SCRT2: variants seen among roughly 807,000 people sequenced by gnomAD.
SCRT2 encodes the protein scratch family transcriptional repressor 2, also known as transcriptional repressor scratch 2.
Under a neutral mutation model 3.7 loss-of-function variants are expected in SCRT2, and 2 were observed. That is an observed-to-expected ratio of 0.54 (90% CI 0.22 to 1.70). The LOEUF is 1.70. Among genes scored for constraint, SCRT2 ranks in the 40% most tolerant of loss-of-function variants. The probability of loss-of-function intolerance (pLI) is 0.19; values close to 1 mark genes in which losing one functional copy is unlikely to be tolerated. For synonymous variants in SCRT2, 256 were observed against 220.6 expected (o/e 1.16, Z -1.42); for missense variants, 456 against 468.5 (o/e 0.97, Z 0.25).
chr20:675,412 GC>G lies in SCRT2; in HGVS notation c.133+56del. On this transcript the variant is annotated intron_variant, in intron 1 of 1. Coordinates refer to ENST00000246104, the MANE Select transcript of SCRT2 (RefSeq NM_033129.4). The surrounding 1 kb of genome is among the most constrained non-coding windows in gnomAD (Gnocchi z 6.9). ...CTCCTCGTGGCCCAAGCTGGGGAGG[GC>G]CCCAGCTCCCCTCGCCTCTTCTCCC... The G allele has an allele frequency of 1.6e-6, 2 of 1,243,164 alleles. No individual in the cohort carries two copies. The highest frequency in any genetic ancestry group is 2.0e-6 in the Non-Finnish European group (2 of 975,918). 77.0% of individuals were successfully genotyped at this position (1,243,164 alleles called of 1,614,324 possible).
chr20:673,133 G>C (rs1749809188), intron 1 of SCRT2, among the ~76,000 whole-genome samples: 2 of 152,220 alleles, frequency 1.3e-5, no homozygotes, highest in Admixed American at 6.5e-5. Flanking sequence ...GGCCAGGCCA[G>C]GGTGCCTGTC....
intron 1 of SCRT2, among the ~76,000 whole-genome samples, chr20:668,919 A>G (rs1476570389): frequency 6.6e-6 from 1 of 152,174 alleles, no homozygotes; most frequent in Non-Finnish European, 1.5e-5. Context: ...CCTCCCTGTG[A>G]GCCAGACATT....
chr20:675,775 C>CG lies in SCRT2; in HGVS notation c.-175dup. 7.8e-6 allele frequency: 2 copies of CG among 257,476 alleles called. No individual in the cohort carries two copies. The highest frequency in any genetic ancestry group is 1.4e-5 in the Non-Finnish European group (2 of 144,698). The allele number at this position is 257,476 out of a possible 1,614,324, so 15.9% of individuals were successfully genotyped here. ...TCGGGCTCGGGCTTGGCGGCGGCGG[C>CG]GCGCAGACAGGGGATCGCGGGAGCT... On this transcript the variant is annotated 5_prime_UTR_variant, in exon 1 of 2. Coordinates refer to ENST00000246104, the MANE Select transcript of SCRT2 (RefSeq NM_033129.4). This position sits in a 1 kb window ranked among gnomAD's most constrained non-coding sequence, Gnocchi z 6.9.
intron 1 of SCRT2, among the ~76,000 whole-genome samples, chr20:670,210 G>A (rs922536698): frequency 5.3e-5 from 8 of 152,198 alleles, no homozygotes; most frequent in African/African-American, 7.2e-5. Flanking sequence ...GCCTGGGTTC[G>A]TAGAGTTGCC....
rs1467948907 is a variant in SCRT2, at chr20:666,021, G to A, written c.134-1560C>T. On this transcript the variant is annotated intron_variant, in intron 1 of 1. Transcript: ENST00000246104. This position sits in a 1 kb window ranked among gnomAD's most constrained non-coding sequence, Gnocchi z 4.4. ...TGCCTCTCATCTGGAGTTTGGGATGGACACAGGGTGAAGTCTGTGTGCCCC... is the reference window on the plus strand; with the variant it reads ...TGCCTCTCATCTGGAGTTTGGGATGAACACAGGGTGAAGTCTGTGTGCCCC... Among the ~76,000 whole-genome samples, 1 of 152,202 alleles carries A rather than the reference G, an allele frequency of 6.6e-6. No individual in the cohort carries two copies. The highest frequency in any genetic ancestry group is 1.5e-5 in the Non-Finnish European group (1 of 68,036).
chr20:663,882 T>A lies in SCRT2; in HGVS notation c.713A>T (p.Lys238Met), dbSNP rs1438591785. The A allele has an allele frequency of 6.2e-7, 1 of 1,602,540 alleles. No homozygotes were observed. The highest frequency in any genetic ancestry group is 8.5e-7 in the Non-Finnish European group (1 of 1,176,862). The change falls in exon 2 of 2, where the codon AAG becomes ATG. Residue 238 changes from lysine (K) to methionine (M), a missense_variant. By Grantham distance (95) the Lys-to-Met change is moderately conservative. This residue lies in a region of SCRT2 where 144 missense variants were observed against 141.9 expected (regional missense o/e 1.01). Transcript: ENST00000246104. The surrounding 1 kb of genome is among the most constrained non-coding windows in gnomAD (Gnocchi z 6.9). ...GCCGCAGTGCGCGCAGCCGAACGGCTTTTCGCCGGTGTGCGAGCGCATGTG... is the reference window on the plus strand; with the variant it reads ...GCCGCAGTGCGCGCAGCCGAACGGCATTTCGCCGGTGTGCGAGCGCATGTG... ...QGHMRSHTGE[K>M]PFGCAHCGKA...
chr20:663,527 A>G lies in SCRT2; in HGVS notation c.*144T>C. On this transcript the variant is annotated 3_prime_UTR_variant, in exon 2 of 2. Coordinates refer to ENST00000246104, the MANE Select transcript of SCRT2 (RefSeq NM_033129.4). The surrounding 1 kb of genome is among the most constrained non-coding windows in gnomAD (Gnocchi z 6.9). ...CGTGGGTTTGGGGGTTGGGGAGAAA[A>G]GTTCCGGGCCGGGCCGGGGGTCCCC... The G allele has an allele frequency of 1.4e-6, 1 of 717,754 alleles. No homozygotes were observed. The highest frequency in any genetic ancestry group is 1.9e-6 in the Non-Finnish European group (1 of 514,060). The allele number at this position is 717,754 out of a possible 1,614,324, so 44.5% of individuals were successfully genotyped here. A position where few individuals can be genotyped will look rare whatever the true frequency, so the allele number is the denominator to read the frequency against.
chr20:671,850 G>A (rs1206447921), intron 1 of SCRT2, among the ~76,000 whole-genome samples: 1 of 152,228 alleles, frequency 6.6e-6, no homozygotes. Flanking sequence ...GGGATGCAGA[G>A]GAAGGGGGGC....
Position 663,706 on chromosome 20 carries a change from G to C in SCRT2, c.889C>G (p.Pro297Ala). The C allele has an allele frequency of 4.6e-6, 7 of 1,520,994 alleles. No individual in the cohort carries two copies. The highest frequency in any genetic ancestry group is 6.2e-6 in the Non-Finnish European group (7 of 1,137,010). The allele number at this position is 1,520,994 out of a possible 1,614,324, so 94.2% of individuals were successfully genotyped here. Residue 297 changes from proline (P) to alanine (A), a missense_variant, in exon 2 of 2, where the codon CCA becomes GCA. Coordinates refer to ENST00000246104, the MANE Select transcript of SCRT2 (RefSeq NM_033129.4). The surrounding 1 kb of genome is among the most constrained non-coding windows in gnomAD (Gnocchi z 6.9). ...GGGCCGGCGGGGGTCGGCGGGGGTG[G>C]CTCGGCCGCCTTGGCGCAGGCCGCC... ...CEAACAKAAE[P>A]PPPTPAGPAS
At chr20:673,526 G>C (rs1984411973) in intron 1 of SCRT2, among the ~76,000 whole-genome samples, 1 of 152,246 alleles carries the variant, frequency 6.6e-6, no homozygotes, top group Non-Finnish European at 1.5e-5. Flanking sequence ...ATTCCTGAGA[G>C]GTGAGGGAGT....
In SCRT2 at chr20:663,123, G is replaced by C. The variant is rs1984013939; in HGVS notation, c.*548C>G. The C allele has an allele frequency of 6.5e-6, 1 of 153,528 alleles. No individual in the cohort carries two copies. Among genetic ancestry groups the C allele is most frequent in the Middle Eastern group, 3.1e-3 (1 of 320 alleles). The allele number at this position is 153,528 out of a possible 1,614,324, so 9.5% of individuals were successfully genotyped here. Reference sequence around the variant, plus strand: ...AGATCCCCAGATGGACACACTCTGGGAGATTCAGCAGAGGCCAGAGGGATG... The same window carrying C: ...AGATCCCCAGATGGACACACTCTGGCAGATTCAGCAGAGGCCAGAGGGATG... On this transcript the variant is annotated 3_prime_UTR_variant, in exon 2 of 2. Coordinates refer to ENST00000246104, the MANE Select transcript of SCRT2 (RefSeq NM_033129.4). This position sits in a 1 kb window ranked among gnomAD's most constrained non-coding sequence, Gnocchi z 6.9.
rs777496826 is a variant in SCRT2 at position 664,007 on chromosome 20, C to T, written c.588G>A (p.Val196=). 2.5e-6 allele frequency: 4 copies of T among 1,611,798 alleles called. No individual in the cohort carries two copies. In the African/African-American group the frequency reaches 5.3e-5, roughly 22 times the overall value. Residue 196 remains valine (V), a synonymous_variant, in exon 2 of 2, where the codon GTG becomes GTA. Transcript: ENST00000246104. This position sits in a 1 kb window ranked among gnomAD's most constrained non-coding sequence, Gnocchi z 7.9. ...RKCPTCGKAY[V]SMPALAMHLL... is the part of the protein sequence containing the mutation. ...GGTGCATGGCGAGCGCGGGCATGGA[C>T]ACGTAGGCCTTGCCGCACGTCGGGC...
rs1262800962 is a variant in SCRT2, at chr20:667,616, CA to C, written c.134-3156del. Among the ~76,000 whole-genome samples the C allele has an allele frequency of 2.0e-5, 3 of 152,190 alleles. No homozygotes were observed. The highest frequency in any genetic ancestry group is 2.9e-5 in the Non-Finnish European group (2 of 68,026). Reference sequence around the variant, plus strand: ...CATGGCGCCCTCTGCTGGTGGCCCTCAGCGCTGTTGACTTTCCTCCTGTTGC... The same window carrying C: ...CATGGCGCCCTCTGCTGGTGGCCCTCGCGCTGTTGACTTTCCTCCTGTTGC... On this transcript the variant is annotated intron_variant, in intron 1 of 1. Coordinates refer to ENST00000246104, the MANE Select transcript of SCRT2 (RefSeq NM_033129.4). This position sits in a 1 kb window ranked among gnomAD's most constrained non-coding sequence, Gnocchi z 4.4.
At position 675,527 on chromosome 20, in the gene SCRT2, G is replaced by A. The variant is rs770970472; in HGVS notation, c.75C>T (p.Tyr25=). 3 of 1,393,116 alleles carry A rather than the reference G, an allele frequency of 2.2e-6. No homozygotes were observed. The East Asian group carries it at 8.3e-5, about 39-fold the overall frequency. 86.3% of individuals were successfully genotyped at this position (1,393,116 alleles called of 1,614,324 possible). A position where few individuals can be genotyped will look rare whatever the true frequency, so the allele number is the denominator to read the frequency against. The change falls in exon 1 of 2, where the codon TAC becomes TAT. Residue 25 remains tyrosine (Y), a synonymous_variant. Coordinates refer to ENST00000246104, the MANE Select transcript of SCRT2 (RefSeq NM_033129.4). This position sits in a 1 kb window ranked among gnomAD's most constrained non-coding sequence, Gnocchi z 6.9. ...FQCSGVPAPT[Y]HPLETAYVLP... ...GCACGTAGGCTGTCTCCAAGGGGTG[G>A]TAGGTGGGGGCCGGCACCCCGCTGC... is the stretch of plus-strand genomic sequence containing the variant.
rs114485246 is a variant in SCRT2 at position 667,664 on chromosome 20, T to C, written c.134-3203A>G. ...TTGCAAGGGGCTCTTTATGAAGAAATAGGGGTGCCTTCAACAAAGGCTGCT... is the reference window on the plus strand; with the variant it reads ...TTGCAAGGGGCTCTTTATGAAGAAACAGGGGTGCCTTCAACAAAGGCTGCT... On this transcript the variant is annotated intron_variant, in intron 1 of 1. Transcript: ENST00000246104. The surrounding 1 kb of genome is among the most constrained non-coding windows in gnomAD (Gnocchi z 4.4). 6.1e-3 allele frequency among the ~76,000 whole-genome samples: 926 copies of C among 152,218 alleles called. 6 individuals carry two copies. The highest frequency in any genetic ancestry group is 0.021 in the African/African-American group (886 of 41,538).
intron 1 of SCRT2, among the ~76,000 whole-genome samples, chr20:668,965 T>A (rs4378877): frequency 0.041 from 6,181 of 152,244 alleles, 392 homozygotes; most frequent in African/African-American, 0.14. Flanking sequence ...GGGAGAGGAT[T>A]TGCCCAAGGT....
chr20:669,244 C>T (rs1193541738), intron 1 of SCRT2, among the ~76,000 whole-genome samples: 1 of 152,200 alleles, frequency 6.6e-6, no homozygotes, highest in Non-Finnish European at 1.5e-5. Flanking sequence ...CTATCACTTA[C>T]TGAGCACTTA....
chr20:669,826 C>T (rs968836540), intron 1 of SCRT2, among the ~76,000 whole-genome samples: 4 of 152,180 alleles, frequency 2.6e-5, no homozygotes, highest in African/African-American at 9.7e-5. Context: ...TCTTTGTTAG[C>T]GGTTCCCTGG....
rs987988110 is a variant in SCRT2, at chr20:663,338, GT to G, written c.*332del. 3 of 312,638 alleles carry G rather than the reference GT, an allele frequency of 9.6e-6. No individual in the cohort carries two copies. The Admixed American group carries it at 1.5e-4, about 16-fold the overall frequency. 19.4% of individuals were successfully genotyped at this position (312,638 alleles called of 1,614,324 possible). Reference sequence around the variant, plus strand: ...CTAGAAGTTAGAAGAGCAGCGCGGGGTCTGGGAGGGAGAAATTTCCGGCTCT... The same window carrying G: ...CTAGAAGTTAGAAGAGCAGCGCGGGGCTGGGAGGGAGAAATTTCCGGCTCT... On this transcript the variant is annotated 3_prime_UTR_variant, in exon 2 of 2. Coordinates refer to ENST00000246104, the MANE Select transcript of SCRT2 (RefSeq NM_033129.4). The surrounding 1 kb of genome is among the most constrained non-coding windows in gnomAD (Gnocchi z 6.9).
Sources: allele counts gnomAD v4.1 joint callset (sites outside exome capture counted in the v4.1 genomes callset), GRCh38; gene constraint gnomAD v4.1.1; regional missense constraint gnomAD v4.1.1; non-coding constraint Gnocchi (gnomAD v3.1); transcripts MANE v1.5; gene names NCBI Gene and HGNC (gene_info 2026-07-23, HGNC 2026-07-21).